Variants in PTPRD observed in about 807,000 individuals in gnomAD.
PTPRD encodes protein tyrosine phosphatase receptor type D, also known as receptor-type tyrosine-protein phosphatase delta.
PTPRD carries 34 observed loss-of-function variants against 214.5 expected under a neutral mutation model. The ratio of observed to expected loss-of-function variants is 0.16; its 90% CI spans 0.12 to 0.21. PTPRD has a LOEUF of 0.21. Ranked by LOEUF, PTPRD falls within the 10% of genes least tolerant of loss-of-function variation. The pLI, the probability that PTPRD is intolerant of heterozygous loss-of-function variation, is 1.00. For synonymous variants in PTPRD, 1,128 were observed against 845.7 expected (o/e 1.33, Z -5.79); for missense variants, 2,545 against 2,398.7 (o/e 1.06, Z -1.27).
chr9:9,825,344 GAAAGAGAC>G (rs1565547677), intron 5 of PTPRD, among the ~76,000 whole-genome samples: 1 of 150,866 alleles, frequency 6.6e-6, no homozygotes, highest in African/African-American at 2.4e-5. Context: ...AAGAGACAAA[GAAAGAGAC>G]AAAGAGACAC....
At chr9:9,781,507 A>C (rs1447326257) in intron 5 of PTPRD, among the ~76,000 whole-genome samples, 1 of 152,204 alleles carries the variant, frequency 6.6e-6, no homozygotes, top group Non-Finnish European at 1.5e-5. Flanking sequence ...TAATTGACCA[A>C]TAATATACAG....
chr9:9,868,275 G>C (rs1464723349), intron 5 of PTPRD, among the ~76,000 whole-genome samples: 4 of 152,096 alleles, frequency 2.6e-5, no homozygotes, highest in Non-Finnish European at 5.9e-5. Flanking sequence ...TGACAGAAAA[G>C]AACTTGAAGT....
intron 11 of PTPRD, among the ~76,000 whole-genome samples, chr9:8,918,696 T>C (rs930070134): frequency 2.0e-5 from 3 of 152,176 alleles, no homozygotes; most frequent in Non-Finnish European, 4.4e-5. Context: ...ACAATTTTGC[T>C]TAACTAGATG....
At chr9:8,661,608 A>G (rs1297110940) in intron 12 of PTPRD, among the ~76,000 whole-genome samples, 1 of 152,180 alleles carries the variant, frequency 6.6e-6, no homozygotes, top group African/African-American at 2.4e-5. Context: ...ACGTTTAAAA[A>G]TTTTGTGCAT....
chr9:8,420,168 C>A (rs2890778), intron 35 of PTPRD, among the ~76,000 whole-genome samples: 85,314 of 151,896 alleles, frequency 0.56, 24,940 homozygotes, highest in East Asian at 0.71. Flanking sequence ...TGGATAAAAA[C>A]ACTAAAGGAA....
At chr9:9,156,650 T>A (rs2099881438) in intron 10 of PTPRD, among the ~76,000 whole-genome samples, 1 of 152,038 alleles carries the variant, frequency 6.6e-6, no homozygotes, top group African/African-American at 2.4e-5. Flanking sequence ...CGTCATGTAT[T>A]TTTGCTCACA....
chr9:10,373,636 C>T lies in PTPRD; in HGVS notation c.-599-32619G>A, dbSNP rs547812604. Among the ~76,000 whole-genome samples the T allele has an allele frequency of 8.5e-5, 13 of 152,168 alleles. No homozygotes were observed. The East Asian group carries it at 2.5e-3, about 29-fold the overall frequency. On this transcript the variant is annotated intron_variant, in intron 2 of 45. Coordinates refer to ENST00000381196, the MANE Select transcript of PTPRD (RefSeq NM_002839.4). The stretch of plus-strand genomic sequence containing the variant: ...ATTGCAGGAACCTGAGCCTTTTCCC[C>T]AGCTATAGGCACCTTGATGATCTTT...
intron 4 of PTPRD, among the ~76,000 whole-genome samples, chr9:9,994,306 G>A (rs1376555886): frequency 6.6e-6 from 1 of 151,894 alleles, no homozygotes; most frequent in African/African-American, 2.4e-5. Flanking sequence ...TTTATCTTAT[G>A]GATATTAAAT....
rs556835083 is a variant in PTPRD at position 9,892,593 on chromosome 9, T to C, written c.-368+45914A>G. On this transcript the variant is annotated intron_variant, in intron 5 of 45. Transcript: ENST00000381196. ...TTGGAACTAGTAAGATGAAAAAGCA[T>C]TGGAACATTTTGGGCCAAACTGTTG... 2.6e-5 allele frequency among the ~76,000 whole-genome samples: 4 copies of C among 152,220 alleles called. No homozygotes were observed. In the South Asian group the frequency reaches 6.2e-4, roughly 24 times the overall value.
intron 5 of PTPRD, among the ~76,000 whole-genome samples, chr9:9,901,952 T>C (rs1209573453): frequency 6.6e-6 from 1 of 152,198 alleles, no homozygotes; most frequent in Non-Finnish European, 1.5e-5. Flanking sequence ...AGATAGTCGT[T>C]AGGATTGTAT....
chr9:9,635,034 G>T (rs2095713444), intron 7 of PTPRD, among the ~76,000 whole-genome samples: 1 of 152,008 alleles, frequency 6.6e-6, no homozygotes, highest in African/African-American at 2.4e-5. Context: ...TTGAGTGAAT[G>T]GTATTTAAAG....
intron 11 of PTPRD, among the ~76,000 whole-genome samples, chr9:8,777,427 T>C (rs1308445375): frequency 6.6e-6 from 1 of 152,174 alleles, no homozygotes; most frequent in Non-Finnish European, 1.5e-5. Flanking sequence ...AGCAAGACAT[T>C]TTTACGTAAT....
At chr9:10,129,076 T>C (rs976111063) in intron 3 of PTPRD, among the ~76,000 whole-genome samples, 8 of 152,136 alleles carry the variant, frequency 5.3e-5, no homozygotes, top group African/African-American at 1.7e-4. Flanking sequence ...CATTTTCCAA[T>C]GTAACAAATA....
intron 3 of PTPRD, among the ~76,000 whole-genome samples, chr9:10,250,280 A>G (rs10958975): frequency 0.018 from 2,769 of 152,268 alleles, 46 homozygotes; most frequent in Middle Eastern, 0.051. Context: ...AATGAAATAT[A>G]TGCCATGTAT....
intron 8 of PTPRD, among the ~76,000 whole-genome samples, chr9:9,567,161 G>T (rs887356347): frequency 6.6e-6 from 1 of 152,032 alleles, no homozygotes; most frequent in African/African-American, 2.4e-5. Context: ...GCTGAAATTT[G>T]AAGGAATGAA....
At chr9:8,838,901 GAAT>G (rs1244353406) in intron 11 of PTPRD, among the ~76,000 whole-genome samples, 2 of 151,476 alleles carry the variant, frequency 1.3e-5, no homozygotes, top group South Asian at 2.1e-4. Context: ...AACATAAAAT[GAAT>G]AATAAGAGAG....
At chr9:8,750,480 C>T (rs1042912509) in intron 11 of PTPRD, among the ~76,000 whole-genome samples, 6 of 151,852 alleles carry the variant, frequency 4.0e-5, no homozygotes, top group African/African-American at 1.5e-4. Flanking sequence ...TTTAAGGTAC[C>T]TGGTAAGTGC....
At chr9:10,031,871 G>A (rs1185288037) in intron 4 of PTPRD, among the ~76,000 whole-genome samples, 2 of 151,730 alleles carry the variant, frequency 1.3e-5, no homozygotes, top group Non-Finnish European at 2.9e-5. Context: ...TTGGCCCCTG[G>A]ATAACAGAAA....
chr9:9,956,088 G>C (rs2093909698), intron 4 of PTPRD, among the ~76,000 whole-genome samples: 2 of 151,972 alleles, frequency 1.3e-5, no homozygotes. Context: ...AAAATATATA[G>C]ATTTTGCTCA....
Sources: allele counts gnomAD v4.1 joint callset (sites outside exome capture counted in the v4.1 genomes callset), GRCh38; gene constraint gnomAD v4.1.1; transcripts MANE v1.5; gene names NCBI Gene and HGNC (gene_info 2026-07-23, HGNC 2026-07-21).